GPD2: variants seen among roughly 807,000 people sequenced by gnomAD.
The protein encoded by GPD2 is glycerol-3-phosphate dehydrogenase 2, also known as glycerol-3-phosphate dehydrogenase, mitochondrial.
In GPD2, 54 loss-of-function variants were observed where a neutral mutation model predicts 82.4. That is an observed-to-expected ratio of 0.66 (90% CI 0.53 to 0.82). The LOEUF (loss-of-function observed/expected upper bound fraction) is 0.82, where lower values mean the gene tolerates loss of function less well. Among genes scored for constraint, GPD2 ranks in the 40% least tolerant of loss-of-function variants. The probability of loss-of-function intolerance (pLI) is 0.00; values close to 1 mark genes in which losing one functional copy is unlikely to be tolerated. For missense variants in GPD2, 748 were observed against 896.2 expected (o/e 0.83, Z 2.11); for synonymous variants, 288 against 306.1 (o/e 0.94, Z 0.62).
At chr2:156,481,931 T>C (rs1212217962) in intron 2 of GPD2, among the ~76,000 whole-genome samples, 2 of 152,234 alleles carry the variant, frequency 1.3e-5, no homozygotes, top group Non-Finnish European at 1.5e-5. Context: ...GCTGAGTGAC[T>C]ATAGGTGATT....
At chr2:156,546,289 C>G (rs1285355361) in intron 6 of GPD2, among the ~76,000 whole-genome samples, 2 of 152,132 alleles carry the variant, frequency 1.3e-5, no homozygotes, top group Admixed American at 6.6e-5. Context: ...ACTTAATAAG[C>G]AGATCAATTA....
At chr2:156,508,830 G>C (rs1234895052) in intron 3 of GPD2, among the ~76,000 whole-genome samples, 1 of 152,170 alleles carries the variant, frequency 6.6e-6, no homozygotes, top group Admixed American at 6.5e-5. Context: ...GAGATTTGCA[G>C]ATTTAATTTT....
At position 156,450,665 on chromosome 2, in the gene GPD2, CTTTTTT is replaced by C. The variant is rs776070659; in HGVS notation, c.-9+14164_-9+14169del. Among the ~76,000 whole-genome samples the C allele has an allele frequency of 3.1e-4, 22 of 71,678 alleles. No homozygotes were observed. The East Asian group carries it at 0.011, about 35-fold the overall frequency. The allele number at this position is 71,678 out of a possible 152,430, so 47.0% of individuals were successfully genotyped here. On this transcript the variant is annotated intron_variant, in intron 1 of 16. Coordinates refer to ENST00000438166, the MANE Select transcript of GPD2 (RefSeq NM_000408.5). The stretch of plus-strand genomic sequence containing the variant: ...GTGGAGACAGTTCTTATAGACAACT[CTTTTTT>C]TTTTTTTTTTTATTGCTCATTCTTG...
chr2:156,535,370 C>T (rs1026582907), intron 6 of GPD2, among the ~76,000 whole-genome samples: 13 of 70,502 alleles, frequency 1.8e-4, no homozygotes, highest in South Asian at 6.7e-4. Flanking sequence ...AGAGAGAGAG[C>T]GAGAAAGAGA....
intron 9 of GPD2, among the ~76,000 whole-genome samples, chr2:156,567,277 T>G (rs1462711073): frequency 6.6e-6 from 1 of 152,086 alleles, no homozygotes; most frequent in African/African-American, 2.4e-5. Context: ...TATTGACAAA[T>G]CTAGTGTCAT....
At chr2:156,501,661 T>C (rs1249778408) in intron 3 of GPD2, 5 of 165,288 alleles carry the variant, frequency 3.0e-5, no homozygotes, top group Non-Finnish European at 7.3e-5. Context: ...GAAGGTAGAA[T>C]TGCAGGAAGT....
Position 156,557,370 on chromosome 2 carries a change from A to G in GPD2, c.972-19A>G. The G allele has an allele frequency of 1.3e-6, 2 of 1,489,560 alleles. No homozygotes were observed. The highest frequency in any genetic ancestry group is 1.9e-6 in the Non-Finnish European group (2 of 1,068,198). 92.3% of individuals were successfully genotyped at this position (1,489,560 alleles called of 1,614,324 possible). ...CTTCTGGGATTTTCAGAAATAAATAATCCTTCTTTGTATCTCAGCCCAGAG... is the reference window on the plus strand; with the variant it reads ...CTTCTGGGATTTTCAGAAATAAATAGTCCTTCTTTGTATCTCAGCCCAGAG... On this transcript the variant is annotated intron_variant, in intron 8 of 16. Coordinates refer to ENST00000438166, the MANE Select transcript of GPD2 (RefSeq NM_000408.5).
intron 1 of GPD2, among the ~76,000 whole-genome samples, chr2:156,466,840 T>C (rs748341023): frequency 6.6e-6 from 1 of 152,210 alleles, no homozygotes; most frequent in African/African-American, 2.4e-5. Context: ...ACCTTTTACT[T>C]GCATTTTTTG....
At chr2:156,423,308 A>G in the GPD2 span, among the ~76,000 whole-genome samples, 100 of 152,348 alleles carry the variant, frequency 6.6e-4, no homozygotes, top group African/African-American at 2.1e-3. Flanking sequence ...AAAAGTAATA[A>G]CACTGGTTAA....
rs138422957 is a variant in GPD2 at position 156,439,117 on chromosome 2, T to C, written c.-9+2604T>C. Among the ~76,000 whole-genome samples the C allele has an allele frequency of 1.8e-3, 268 of 152,342 alleles. 1 individual carries two copies. The highest frequency in any genetic ancestry group is 6.1e-3 in the African/African-American group (253 of 41,588). ...TGAAAAAGCCAACATAATCTTGTAC[T>C]TTCAAAAATGATCTTTCTGTTGAAA... On this transcript the variant is annotated intron_variant, in intron 1 of 16. Coordinates refer to ENST00000438166, the MANE Select transcript of GPD2 (RefSeq NM_000408.5).
intron 6 of GPD2, among the ~76,000 whole-genome samples, chr2:156,514,710 A>C (rs1261005719): frequency 1.3e-5 from 2 of 152,178 alleles, no homozygotes; most frequent in African/African-American, 4.8e-5. Flanking sequence ...TAAGGGTCTT[A>C]GGTAAACATT....
intron 1 of GPD2, among the ~76,000 whole-genome samples, chr2:156,465,361 C>CTTT (rs67390264): frequency 1.7e-5 from 2 of 114,902 alleles, no homozygotes; most frequent in African/African-American, 7.3e-5. Context: ...TTCTTTCTTT[C>CTTT]TTTTTTTTTT....
At chr2:156,432,084 C>T (rs1688322655), upstream of GPD2, among the ~76,000 whole-genome samples, 1 of 151,972 alleles carries the variant, frequency 6.6e-6, no homozygotes, top group Non-Finnish European at 1.5e-5. Flanking sequence ...GACAAGGTTC[C>T]ACCATGTTGG....
chr2:156,531,846 A>G (rs1229485343), intron 6 of GPD2, among the ~76,000 whole-genome samples: 2 of 152,212 alleles, frequency 1.3e-5, no homozygotes, highest in Non-Finnish European at 2.9e-5. Context: ...CACAGGTTCC[A>G]GCAATGCCTG....
At chr2:156,576,592 CT>C (rs1179661990) in intron 13 of GPD2, among the ~76,000 whole-genome samples, 1 of 152,110 alleles carries the variant, frequency 6.6e-6, no homozygotes, top group Non-Finnish European at 1.5e-5. Context: ...TTGGAAGTAA[CT>C]TTCAGCAGTA....
the GPD2 span, among the ~76,000 whole-genome samples, chr2:156,403,386 T>A: frequency 6.6e-6 from 1 of 152,066 alleles, no homozygotes; most frequent in African/African-American, 2.4e-5. Flanking sequence ...ATACGGAAGA[T>A]CTCTCTTACC....
intron 1 of GPD2, among the ~76,000 whole-genome samples, chr2:156,463,186 T>G (rs1180636241): frequency 1.3e-5 from 2 of 152,154 alleles, no homozygotes; most frequent in African/African-American, 4.8e-5. Flanking sequence ...TGGCTGTAAG[T>G]CGTCAATAAT....
chr2:156,424,539 C>G, the GPD2 span, among the ~76,000 whole-genome samples: 6 of 152,196 alleles, frequency 3.9e-5, no homozygotes, highest in East Asian at 1.2e-3. Context: ...AGAAGAAAAT[C>G]AAGGATAAAG....
At chr2:156,553,779 T>G (rs1412353371) in intron 8 of GPD2, among the ~76,000 whole-genome samples, 1 of 152,196 alleles carries the variant, frequency 6.6e-6, no homozygotes, top group Non-Finnish European at 1.5e-5. Context: ...CAGAGTAGAT[T>G]TGGTGTCTTT....
Sources: gnomAD v4.1 joint callset for allele counts (sites outside exome capture counted in the v4.1 genomes callset) on GRCh38, gnomAD v4.1.1 for gene constraint, MANE v1.5 for transcripts, NCBI Gene and HGNC (gene_info 2026-07-23, HGNC 2026-07-21) for gene names.